The following NEB variants were observed in gnomAD, a reference collection of about 807,000 sequenced individuals.
The protein encoded by NEB is nemaline myopathy type 2.
Under a neutral mutation model 952.2 loss-of-function variants are expected in NEB, and 512 were observed. The ratio of observed to expected loss-of-function variants is 0.54; its 90% confidence interval spans 0.50 to 0.58. The LOEUF is 0.58. Among genes scored for constraint, NEB ranks in the 20% least tolerant of loss-of-function variants. NEB has a pLI of 0.00. For missense variants in NEB, 8,428 were observed against 9,231.1 expected (o/e 0.91, Z 3.56); for synonymous variants, 2,900 against 3,149.8 (o/e 0.92, Z 2.66).
chr2:151,640,415 T>C lies in NEB; in HGVS notation c.8625A>G (p.Thr2875=), dbSNP rs200386897. 9.2e-5 allele frequency: 149 copies of C among 1,613,962 alleles called. 1 individual carries two copies. In the East Asian group the frequency reaches 1.5e-3, roughly 16 times the overall value. Residue 2875 remains threonine, a synonymous_variant, in exon 61 of 182, where the codon ACA becomes ACG. Coordinates refer to ENST00000397345, the MANE Select transcript of NEB (RefSeq NM_001164508.2). ...VDYKNYLHQW[T]CLPDQSDVIH... is the part of the protein sequence containing the mutation. ...TGACGTCGCTCTGGTCGGGCAGGCATGTCCACTGGTGCAGGTAGTTCTTGT... is the reference window on the plus strand; with the variant it reads ...TGACGTCGCTCTGGTCGGGCAGGCACGTCCACTGGTGCAGGTAGTTCTTGT...
chr2:151,594,506 G>T (rs1281466610), intron 92 of NEB, among the ~76,000 whole-genome samples, 188 bp from the exon 93 acceptor site: 2 of 151,210 alleles, frequency 1.3e-5, no homozygotes, highest in Non-Finnish European at 2.9e-5. Flanking sequence ...TTTCAGAGAG[G>T]ACATGAGTAA....
At chr2:151,656,847 G>GA (rs34784156) in intron 48 of NEB, among the ~76,000 whole-genome samples, 41,204 of 146,510 alleles carry the variant, frequency 0.28, 7,819 homozygotes, top group East Asian at 0.53. Context: ...CACAGAAGAT[G>GA]AAAAAAAAAA....
In NEB at chr2:151,640,456, C is replaced by T. The variant is rs949616238; in HGVS notation, c.8584G>A (p.Val2862Ile). The T allele has an allele frequency of 3.1e-6, 5 of 1,613,840 alleles. No homozygotes were observed. The African/African-American group carries it at 5.3e-5, about 17-fold the overall frequency. ...TAGTTCTTGTAGTCCACATCGCTGA[C>T]TAAGGTCTGGCACTTCTTGGCCAGC... ...VVLAKKCQTL[V>I]SDVDYKNYLH... The change falls in exon 61 of 182, where the codon GTC becomes ATC. Residue 2862 changes from valine (V) to isoleucine (I), a missense_variant. Coordinates refer to ENST00000397345, the MANE Select transcript of NEB (RefSeq NM_001164508.2).
At chr2:151,562,509 T>C in intron 120 of NEB, 102 bp downstream of exon 120, 2 of 1,204,714 alleles carry the variant, frequency 1.7e-6, no homozygotes, top group Non-Finnish European at 2.3e-6. Context: ...GCAAGATTTA[T>C]GAATACAGGG....
At position 151,727,918 on chromosome 2, in the gene NEB, A is replaced by G. The variant is rs1477825447; in HGVS notation, c.79-12T>C. 1 of 1,600,268 alleles carries G rather than the reference A, an allele frequency of 6.2e-7. No individual in the cohort carries two copies. The highest frequency in any genetic ancestry group is 8.6e-7 in the Non-Finnish European group (1 of 1,168,628). ...ATTTTTGTTATTGTCTGAAAATTTG[A>G]TATGCAGTTCAACATTGTTGTGAAA... On this transcript the variant is annotated splice_polypyrimidine_tract_variant and intron_variant, in intron 4 of 181. Transcript: ENST00000397345.
chr2:151,578,698 A>G (rs1220929061), intron 105 of NEB, among the ~76,000 whole-genome samples: 1 of 140,234 alleles, frequency 7.1e-6, no homozygotes, highest in South Asian at 2.3e-4. Flanking sequence ...AAGGAAGGAG[A>G]GAAGGAGGGA....
In NEB at chr2:151,499,269, A is replaced by G. The variant is rs952574555; in HGVS notation, c.24114+29T>C. ...AATCTTTTTAAACATTTTTTTAAATAATTAAAGGGATTTTTTATTTTTAAA... is the reference window on the plus strand; with the variant it reads ...AATCTTTTTAAACATTTTTTTAAATGATTAAAGGGATTTTTTATTTTTAAA... On this transcript the variant is annotated intron_variant, in intron 169 of 181. Transcript: ENST00000397345. The G allele has an allele frequency of 4.3e-6, 5 of 1,152,428 alleles. No individual in the cohort carries two copies. The African/African-American group carries it at 6.3e-5, about 14-fold the overall frequency. The allele number at this position is 1,152,428 out of a possible 1,614,324, so 71.4% of individuals were successfully genotyped here. A position where few individuals can be genotyped will look rare whatever the true frequency, so the allele number is the denominator to read the frequency against.
chr2:151,529,631 A>C (rs149204604), intron 145 of NEB, among the ~76,000 whole-genome samples: 12 of 152,112 alleles, frequency 7.9e-5, no homozygotes, highest in African/African-American at 1.9e-4. Flanking sequence ...CCCAGGTTCA[A>C]GCAATTCTCC....
chr2:151,701,356 G>T (rs1010633514), intron 13 of NEB, among the ~76,000 whole-genome samples: 11 of 151,888 alleles, frequency 7.2e-5, no homozygotes, highest in African/African-American at 2.7e-4. Context: ...CCTGGCTTTG[G>T]TATCAGAATG....
At chr2:151,566,331 A>G (rs1228826266) in intron 114 of NEB, among the ~76,000 whole-genome samples, 1 of 152,200 alleles carries the variant, frequency 6.6e-6, no homozygotes. Flanking sequence ...TCAAGAACCT[A>G]GATTCTCCCA....
intron 28 of NEB, 101 bp downstream of exon 28, chr2:151,684,677 T>C (rs1233450763): frequency 3.5e-6 from 4 of 1,141,024 alleles, no homozygotes; most frequent in Non-Finnish European, 4.9e-6. Flanking sequence ...CATAGGACAA[T>C]GCAGATACCT....
intron 162 of NEB, 160 bp downstream of exon 162, chr2:151,507,845 G>A (rs2070579094): frequency 1.6e-6 from 1 of 606,350 alleles, no homozygotes; most frequent in African/African-American, 1.8e-5. Context: ...TAAGATACAA[G>A]GTGAGCCCAG....
Position 151,618,294 on chromosome 2 carries a change from T to C in NEB, c.11057A>G (p.Asn3686Ser), listed in dbSNP as rs766087681. Reference protein sequence around the residue: ...DTPEQVLAKNNALNMNKRLYT... With the variant: ...DTPEQVLAKNSALNMNKRLYT... ...ACTCACCTTATTCATGTTTAAAGCA[T>C]TGTTTTTTGCCAGCACCTGCTCCGG... is the stretch of plus-strand genomic sequence containing the variant. The change falls in exon 74 of 182, where the codon AAT becomes AGT. Residue 3686 changes from asparagine (N) to serine (S), a missense_variant. Around this residue, in one of 11 missense-constraint regions of NEB, gnomAD observed 1,772 missense variants for 1,960.3 expected, o/e 0.90. Coordinates refer to ENST00000397345, the MANE Select transcript of NEB (RefSeq NM_001164508.2). 1.2e-6 allele frequency: 2 copies of C among 1,613,954 alleles called. No homozygotes were observed. The highest frequency in any genetic ancestry group is 2.2e-5 in the South Asian group (2 of 91,084).
chr2:151,552,831 G>T, intron 127 of NEB, 55 bp from the exon 128 acceptor site: 2 of 1,321,582 alleles, frequency 1.5e-6, no homozygotes, highest in Non-Finnish European at 2.2e-6. Flanking sequence ...GCTTGAAACT[G>T]CTGGTTTTCA....
chr2:151,681,295 A>T (rs1576152051), intron 29 of NEB, among the ~76,000 whole-genome samples: 1 of 152,226 alleles, frequency 6.6e-6, no homozygotes, highest in Non-Finnish European at 1.5e-5. Flanking sequence ...GAACTAGGCC[A>T]ACAGCTAGGA....
intron 13 of NEB, among the ~76,000 whole-genome samples, chr2:151,701,609 G>A (rs899545839): frequency 6.6e-6 from 1 of 151,536 alleles, no homozygotes; most frequent in African/African-American, 2.4e-5. Flanking sequence ...TGTATGTGTC[G>A]AGGAATTTAT....
intron 124 of NEB, among the ~76,000 whole-genome samples, chr2:151,559,845 T>A (rs1157700237): frequency 6.6e-6 from 1 of 152,100 alleles, no homozygotes; most frequent in Non-Finnish European, 1.5e-5. Context: ...ATGTAGATGA[T>A]GGGTTGATGG....
At chr2:151,615,763 G>A (rs2098173223) in intron 76 of NEB, 1 of 368,502 alleles carries the variant, frequency 2.7e-6, no homozygotes, top group Non-Finnish European at 4.8e-6. Flanking sequence ...CCCATTTTTG[G>A]TGTCCGTAAA....
At chr2:151,682,288 GAATT>G (rs1464982340) in intron 29 of NEB, among the ~76,000 whole-genome samples, 1 of 152,098 alleles carries the variant, frequency 6.6e-6, no homozygotes, top group Non-Finnish European at 1.5e-5. Flanking sequence ...ACAATTATAT[GAATT>G]TATTAAAACT....
Sources: gnomAD v4.1 joint callset for allele counts (sites outside exome capture counted in the v4.1 genomes callset) on GRCh38, gnomAD v4.1.1 for gene constraint, gnomAD v4.1.1 regional missense constraint, MANE v1.5 for transcripts, NCBI Gene and HGNC (gene_info 2026-07-23, HGNC 2026-07-21) for gene names.